Variants in TAFA1 observed in about 807,000 individuals in gnomAD.
TAFA1 encodes TAFA chemokine like family member 1, also known as chemokine-like protein TAFA-1.
Under a neutral mutation model 18.5 loss-of-function variants are expected in TAFA1, and 4 were observed. The observed-to-expected ratio is 0.22, with a 90% CI of 0.11 to 0.49. The LOEUF is 0.49. Ranked by LOEUF, TAFA1 falls within the 20% of genes least tolerant of loss-of-function variation. The probability of loss-of-function intolerance (pLI) is 0.98; values close to 1 mark genes in which losing one functional copy is unlikely to be tolerated. For synonymous variants in TAFA1, 56 were observed against 55.2 expected (o/e 1.01, Z -0.06); for missense variants, 147 against 169.0 (o/e 0.87, Z 0.72).
At chr3:68,202,204 A>G (rs1007246649) in intron 2 of TAFA1, among the ~76,000 whole-genome samples, 3 of 151,812 alleles carry the variant, frequency 2.0e-5, no homozygotes, top group African/African-American at 4.8e-5. Flanking sequence ...TAATATTAGC[A>G]TAGTATATTT....
At chr3:68,254,730 C>T (rs2067265461) in intron 2 of TAFA1, among the ~76,000 whole-genome samples, 1 of 151,970 alleles carries the variant, frequency 6.6e-6, no homozygotes. Flanking sequence ...CAATTAAGTC[C>T]CAGTTCTCTG....
At chr3:68,213,880 C>T (rs776747362) in intron 2 of TAFA1, among the ~76,000 whole-genome samples, 5 of 152,038 alleles carry the variant, frequency 3.3e-5, no homozygotes, top group Admixed American at 6.6e-5. Context: ...TGAATCAATT[C>T]AACCTTGACT....
chr3:68,310,339 C>A (rs1430171279), intron 2 of TAFA1, among the ~76,000 whole-genome samples: 6 of 152,088 alleles, frequency 3.9e-5, no homozygotes, highest in African/African-American at 9.6e-5. Context: ...GTCAAGTATA[C>A]CCTAAATATT....
chr3:68,108,759 T>C (rs2065232545), intron 2 of TAFA1, among the ~76,000 whole-genome samples: 2 of 152,098 alleles, frequency 1.3e-5, no homozygotes, highest in Admixed American at 6.6e-5. Context: ...ATATGATTTT[T>C]AAAATTTCTG....
At chr3:68,078,500 A>G (rs2064855656) in intron 2 of TAFA1, among the ~76,000 whole-genome samples, 1 of 152,100 alleles carries the variant, frequency 6.6e-6, no homozygotes, top group Admixed American at 6.5e-5. Context: ...TACCTAATTT[A>G]TTGAGAGTTT....
At chr3:68,495,172 T>C (rs114046122) in intron 3 of TAFA1, among the ~76,000 whole-genome samples, 189 of 152,354 alleles carry the variant, frequency 1.2e-3, no homozygotes, top group Non-Finnish European at 2.2e-3. Context: ...CTGAGCACTT[T>C]TGTTCTCAGC....
chr3:67,999,706 G>T (rs1428546997), upstream of TAFA1, among the ~76,000 whole-genome samples: 3 of 151,604 alleles, frequency 2.0e-5, no homozygotes. Context: ...AGTAGGCATT[G>T]TTTAAACGGT....
At chr3:68,271,361 C>A (rs1429199542) in intron 2 of TAFA1, among the ~76,000 whole-genome samples, 1 of 152,190 alleles carries the variant, frequency 6.6e-6, no homozygotes, top group East Asian at 1.9e-4. Flanking sequence ...ACTCCATAAC[C>A]AATCATATTG....
intron 3 of TAFA1, among the ~76,000 whole-genome samples, chr3:68,530,384 T>C (rs1254530233): frequency 6.6e-6 from 1 of 152,224 alleles, no homozygotes; most frequent in East Asian, 1.9e-4. Context: ...TTTTGCTCTA[T>C]AGCAATATGA....
intron 2 of TAFA1, among the ~76,000 whole-genome samples, chr3:68,216,473 G>T (rs78448033): frequency 0.016 from 2,451 of 152,166 alleles, 77 homozygotes; most frequent in African/African-American, 0.056. Context: ...TAAAATTAAA[G>T]GAAAATAAGA....
intron 3 of TAFA1, among the ~76,000 whole-genome samples, chr3:68,466,137 T>C (rs2071881140): frequency 6.6e-6 from 1 of 152,076 alleles, no homozygotes; most frequent in Admixed American, 6.6e-5. Flanking sequence ...ACTCTTGAGG[T>C]TGGGCTGGGT....
At chr3:68,156,165 C>G (rs547388365) in intron 2 of TAFA1, among the ~76,000 whole-genome samples, 1 of 152,266 alleles carries the variant, frequency 6.6e-6, no homozygotes, top group Admixed American at 6.5e-5. Flanking sequence ...ACTGGGCTTA[C>G]TGCAGCAGAA....
intron 2 of TAFA1, among the ~76,000 whole-genome samples, chr3:68,172,813 A>G (rs192987829): frequency 1.3e-5 from 2 of 152,130 alleles, no homozygotes; most frequent in East Asian, 3.9e-4. Context: ...AAAGTTCAGG[A>G]TGGGTAAATC....
chr3:68,075,120 TC>T (rs2064807679), intron 2 of TAFA1, among the ~76,000 whole-genome samples: 1 of 152,224 alleles, frequency 6.6e-6, no homozygotes, highest in African/African-American at 2.4e-5. Flanking sequence ...TTTGCCTATT[TC>T]TTTTGTATAC....
rs150293910 is a variant in TAFA1 at position 68,258,402 on chromosome 3, C to A, written c.119-158878C>A. On this transcript the variant is annotated intron_variant, in intron 2 of 4. Coordinates refer to ENST00000478136, the MANE Select transcript of TAFA1 (RefSeq NM_213609.4). ...TGGCTTCAATTGGTCAGGACTTGAG[C>A]ATGGCATGTTGTTGACCGTATTGAG... Among the ~76,000 whole-genome samples, 594 of 152,282 alleles carry A rather than the reference C, an allele frequency of 3.9e-3. 1 individual carries two copies. Among genetic ancestry groups the A allele is most frequent in the Middle Eastern group, 6.8e-3 (2 of 294 alleles).
intron 2 of TAFA1, among the ~76,000 whole-genome samples, chr3:68,277,031 T>G (rs969127786): frequency 3.3e-5 from 5 of 152,184 alleles, no homozygotes; most frequent in Non-Finnish European, 4.4e-5. Flanking sequence ...TATTCTTTCA[T>G]GGATTTATTT....
At chr3:68,230,560 T>G (rs1471042633) in intron 2 of TAFA1, among the ~76,000 whole-genome samples, 2 of 152,224 alleles carry the variant, frequency 1.3e-5, no homozygotes, top group African/African-American at 4.8e-5. Context: ...TTGACTCTTG[T>G]GAATAGTTCT....
At chr3:68,365,210 G>C (rs538107977) in intron 2 of TAFA1, among the ~76,000 whole-genome samples, 5 of 152,160 alleles carry the variant, frequency 3.3e-5, no homozygotes, top group Non-Finnish European at 7.3e-5. Flanking sequence ...GGAAAACTGA[G>C]CTTCTTACCT....
intron 2 of TAFA1, among the ~76,000 whole-genome samples, chr3:68,082,619 A>G (rs143930940): frequency 6.6e-6 from 1 of 152,242 alleles, no homozygotes; most frequent in Non-Finnish European, 1.5e-5. Flanking sequence ...AGTTAGTACC[A>G]AAGCAATTGC....
Sources: gnomAD v4.1 joint callset for allele counts (sites outside exome capture counted in the v4.1 genomes callset) on GRCh38, gnomAD v4.1.1 for gene constraint, MANE v1.5 for transcripts, NCBI Gene and HGNC (gene_info 2026-07-23, HGNC 2026-07-21) for gene names.